The following ASCC3 variants were observed in gnomAD, a reference collection of about 807,000 sequenced individuals.
ASCC3 encodes the protein ASC-1 complex subunit P200.
In ASCC3, 158 loss-of-function variants were observed where a neutral mutation model predicts 256.3. That is an observed-to-expected ratio of 0.62 (90% CI 0.54 to 0.70). The LOEUF is 0.70. ASCC3 is among the 30% of genes least tolerant of loss of function. ASCC3 has a pLI of 0.00. For synonymous variants in ASCC3, 948 were observed against 883.4 expected (o/e 1.07, Z -1.30); for missense variants, 2,259 against 2,626.0 (o/e 0.86, Z 3.05).
chr6:100,796,970 AT>A (rs1232063359), intron 8 of ASCC3, among the ~76,000 whole-genome samples: 1 of 152,144 alleles, frequency 6.6e-6, no homozygotes, highest in Non-Finnish European at 1.5e-5. Context: ...AATATATTAG[AT>A]TACATAAGAT....
intron 5 of ASCC3, 122 bp from the exon 6 acceptor site, chr6:100,800,626 C>G: frequency 1.3e-6 from 1 of 753,760 alleles, no homozygotes; most frequent in South Asian, 1.7e-5. Context: ...TTTTTTAAAG[C>G]TGGCAAATTC....
chr6:100,708,997 T>C (rs1407490175), intron 13 of ASCC3, among the ~76,000 whole-genome samples: 2 of 151,024 alleles, frequency 1.3e-5, no homozygotes, highest in East Asian at 1.9e-4. Context: ...CTGTTTTCTA[T>C]GCCTTAAGAC....
chr6:100,619,443 C>T (rs938893634), intron 30 of ASCC3, among the ~76,000 whole-genome samples: 17 of 152,142 alleles, frequency 1.1e-4, no homozygotes, highest in Non-Finnish European at 1.9e-4. Flanking sequence ...ATAAATCTGA[C>T]ACTACTGTAT....
At chr6:100,727,574 C>A (rs1258735922) in intron 10 of ASCC3, among the ~76,000 whole-genome samples, 2 of 151,974 alleles carry the variant, frequency 1.3e-5, no homozygotes, top group South Asian at 2.1e-4. Context: ...GCAGCAATTA[C>A]AGGCAGATGA....
At chr6:100,675,941 A>C (rs1165187100) in intron 14 of ASCC3, among the ~76,000 whole-genome samples, 1 of 152,198 alleles carries the variant, frequency 6.6e-6, no homozygotes, top group South Asian at 2.1e-4. Flanking sequence ...GATTCATTTA[A>C]CTTAAAATTA....
In ASCC3 at chr6:100,856,044, A is replaced by T. The variant is rs149758744; in HGVS notation, c.242-7337T>A. 1.3e-3 allele frequency among the ~76,000 whole-genome samples: 197 copies of T among 152,334 alleles called. 1 individual carries two copies. Among genetic ancestry groups the T allele is most frequent in the Admixed American group, 5.6e-3 (85 of 15,304 alleles). On this transcript the variant is annotated intron_variant, in intron 3 of 41. Coordinates refer to ENST00000369162, the MANE Select transcript of ASCC3 (RefSeq NM_006828.4). ...TACAAGAAATATAGTTGCATCAAGTACACAGATATAATGCCTAGATGTGGA... is the reference window on the plus strand; with the variant it reads ...TACAAGAAATATAGTTGCATCAAGTTCACAGATATAATGCCTAGATGTGGA...
At chr6:100,571,636 A>G (rs151320388) in intron 36 of ASCC3, among the ~76,000 whole-genome samples, 2 of 152,364 alleles carry the variant, frequency 1.3e-5, no homozygotes, top group Non-Finnish European at 2.9e-5. Context: ...AACTAATGCA[A>G]TCATTCCAAT....
chr6:100,679,071 G>A (rs1777160248), intron 14 of ASCC3, among the ~76,000 whole-genome samples: 1 of 151,984 alleles, frequency 6.6e-6, no homozygotes, highest in Non-Finnish European at 1.5e-5. Context: ...TTCTGGTTTG[G>A]CGAGTCCGGG....
At chr6:100,793,163 T>C (rs966382553) in intron 8 of ASCC3, among the ~76,000 whole-genome samples, 5 of 151,962 alleles carry the variant, frequency 3.3e-5, no homozygotes, top group Admixed American at 6.6e-5. Context: ...TTACTGACAT[T>C]TGTGGTTATC....
At chr6:100,549,492 T>G (rs1034907329) in intron 36 of ASCC3, among the ~76,000 whole-genome samples, 1 of 151,952 alleles carries the variant, frequency 6.6e-6, no homozygotes, top group African/African-American at 2.4e-5. Context: ...TTTTCCTTTT[T>G]TCTTTGAAGT....
chr6:100,567,034 C>A (rs1421376119), intron 36 of ASCC3, among the ~76,000 whole-genome samples: 6 of 151,778 alleles, frequency 4.0e-5, no homozygotes, highest in Admixed American at 3.9e-4. Flanking sequence ...AATCACTATC[C>A]CCTTCTTGTT....
At chr6:100,714,414 G>A (rs946435137) in intron 13 of ASCC3, among the ~76,000 whole-genome samples, 5 of 152,166 alleles carry the variant, frequency 3.3e-5, no homozygotes, top group African/African-American at 1.2e-4. Flanking sequence ...TAAATGCAAA[G>A]AAAGTGATAT....
intron 4 of ASCC3, among the ~76,000 whole-genome samples, chr6:100,837,139 T>G (rs1290669869): frequency 1.3e-5 from 2 of 151,972 alleles, no homozygotes; most frequent in Non-Finnish European, 2.9e-5. Context: ...ATATCACTAA[T>G]CATCAGGGAA....
intron 34 of ASCC3, among the ~76,000 whole-genome samples, chr6:100,598,880 AAGAC>A (rs1260423774): frequency 2.6e-5 from 4 of 152,224 alleles, no homozygotes; most frequent in African/African-American, 7.2e-5. Context: ...GCAAAATTGA[AAGAC>A]AGACTAAAAG....
chr6:100,530,326 C>A (rs1774804767), intron 37 of ASCC3: 2 of 1,440,748 alleles, frequency 1.4e-6, no homozygotes, highest in African/African-American at 1.4e-5. Flanking sequence ...AGTTTATGAT[C>A]TTCACACAAT....
intron 10 of ASCC3, among the ~76,000 whole-genome samples, chr6:100,763,056 A>G (rs1303014667): frequency 2.0e-5 from 3 of 152,218 alleles, no homozygotes; most frequent in Non-Finnish European, 4.4e-5. Context: ...TTACAAAATG[A>G]AAGTGAGGAA....
chr6:100,724,253 T>C lies in ASCC3; in HGVS notation c.1902+1286A>G, dbSNP rs1357981132. Among the ~76,000 whole-genome samples the C allele has an allele frequency of 4.0e-5, 6 of 150,922 alleles. No individual in the cohort carries two copies. The East Asian group carries it at 1.2e-3, about 29-fold the overall frequency. ...TCAAGACTGAGGAAACAATGAGTAG[T>C]ATTAAGCATCAAAAATGAGTAGAAT... On this transcript the variant is annotated intron_variant, in intron 11 of 41. Transcript: ENST00000369162.
chr6:100,629,051 C>T lies in ASCC3; in HGVS notation c.4339G>A (p.Val1447Ile). ...SWQNRNYVQQ[V>I]TILIIDEIHL... Reference sequence around the variant, plus strand: ...ATCTCATCTATGATGAGAATAGTGACTTGCTGAACATAGTTCCTATTTTGC... The same window carrying T: ...ATCTCATCTATGATGAGAATAGTGATTTGCTGAACATAGTTCCTATTTTGC... Residue 1447 changes from valine (V) to isoleucine (I), a missense_variant, in exon 27 of 42, where the codon GTC becomes ATC. Val to Ile is a conservative substitution (Grantham distance 29). This residue lies in a region of ASCC3 where 1,839 missense variants were observed against 2,206.7 expected (regional missense o/e 0.83). Coordinates refer to ENST00000369162, the MANE Select transcript of ASCC3 (RefSeq NM_006828.4). 6.2e-7 allele frequency: 1 copy of T among 1,613,628 alleles called. No homozygotes were observed. Among genetic ancestry groups the T allele is most frequent in the Non-Finnish European group, 8.5e-7 (1 of 1,179,844 alleles).
chr6:100,593,858 C>G (rs1476463534), intron 34 of ASCC3, among the ~76,000 whole-genome samples: 1 of 151,968 alleles, frequency 6.6e-6, no homozygotes, highest in Non-Finnish European at 1.5e-5. Context: ...CAAATTGAAT[C>G]CAGAACTCAA....
Sources: allele counts gnomAD v4.1 joint callset (sites outside exome capture counted in the v4.1 genomes callset), GRCh38; gene constraint gnomAD v4.1.1; regional missense constraint gnomAD v4.1.1; transcripts MANE v1.5; gene names NCBI Gene and HGNC (gene_info 2026-07-23, HGNC 2026-07-21).